SLC22A3: variants seen among roughly 807,000 people sequenced by gnomAD.
The protein encoded by SLC22A3 is EMT organic cation transporter 3.
A neutral mutation model predicts 59.1 loss-of-function variants in SLC22A3; 51 were observed. The observed-to-expected ratio is 0.86, with a 90% CI of 0.69 to 1.09. SLC22A3 has a LOEUF of 1.09. Among genes scored for constraint, SLC22A3 ranks in the 50% least tolerant of loss-of-function variants. The pLI is 0.00. For missense variants in SLC22A3, 711 were observed against 726.3 expected, an observed-to-expected ratio of 0.98 and a Z score of 0.24; for synonymous variants, 325 against 292.0, an observed-to-expected ratio of 1.11 and a Z score of -1.15.
chr6:160,358,903 G>C (rs981643501), intron 1 of SLC22A3, among the ~76,000 whole-genome samples: 3 of 152,200 alleles, frequency 2.0e-5, no homozygotes, highest in African/African-American at 7.2e-5. Context: ...CCCAGGACAG[G>C]ACTAGACCAG....
At chr6:160,388,791 C>G (rs557080475) in intron 1 of SLC22A3, among the ~76,000 whole-genome samples, 1 of 152,234 alleles carries the variant, frequency 6.6e-6, no homozygotes, top group Non-Finnish European at 1.5e-5. Context: ...GCTTAAGAAG[C>G]TAACAGCAAT....
Position 160,451,531 on chromosome 6 carries a change from T to C in SLC22A3, c.*475T>C, listed in dbSNP as rs1235763843. ...CTGAAGATTGCATGGAGGATGAACATCTGGGAATCCTGTTAATGAGAAGGC... is the reference window on the plus strand; with the variant it reads ...CTGAAGATTGCATGGAGGATGAACACCTGGGAATCCTGTTAATGAGAAGGC... On this transcript the variant is annotated 3_prime_UTR_variant, in exon 11 of 11. Coordinates refer to ENST00000275300, the MANE Select transcript of SLC22A3 (RefSeq NM_021977.4). The C allele has an allele frequency of 1.2e-5, 2 of 168,962 alleles. No homozygotes were observed. The highest frequency in any genetic ancestry group is 2.6e-5 in the Non-Finnish European group (2 of 77,392). The allele number at this position is 168,962 out of a possible 1,614,324, so 10.5% of individuals were successfully genotyped here. A position where few individuals can be genotyped will look rare whatever the true frequency, so the allele number is the denominator to read the frequency against.
chr6:160,370,328 A>G lies in SLC22A3; in HGVS notation c.429+21480A>G, dbSNP rs1439367250. On this transcript the variant is annotated intron_variant, in intron 1 of 10. Transcript: ENST00000275300. The stretch of plus-strand genomic sequence containing the variant: ...ACTCATGCCATCTTTGGATAGTCCC[A>G]GTCTCCCTCCTCAAGGACATCAACT... 2.6e-5 allele frequency among the ~76,000 whole-genome samples: 4 copies of G among 152,358 alleles called. No individual in the cohort carries two copies. In the East Asian group the frequency reaches 5.8e-4, roughly 22 times the overall value.
chr6:160,381,829 G>T (rs528102776), intron 1 of SLC22A3, among the ~76,000 whole-genome samples: 1 of 152,274 alleles, frequency 6.6e-6, no homozygotes, highest in African/African-American at 2.4e-5. Context: ...CTACCTCTGA[G>T]ATTCCAGCAT....
chr6:160,368,138 C>G (rs536346231), intron 1 of SLC22A3, among the ~76,000 whole-genome samples: 1 of 152,144 alleles, frequency 6.6e-6, no homozygotes, highest in South Asian at 2.1e-4. Context: ...TCCAACCTGC[C>G]CCTCCCCACT....
chr6:160,413,587 C>T (rs895971085), intron 5 of SLC22A3, among the ~76,000 whole-genome samples: 1 of 152,164 alleles, frequency 6.6e-6, no homozygotes. Flanking sequence ...ACATAGGTAT[C>T]TCTGGAACTA....
intron 1 of SLC22A3, among the ~76,000 whole-genome samples, chr6:160,353,025 TG>T (rs1252213349): frequency 6.6e-6 from 1 of 152,198 alleles, no homozygotes; most frequent in African/African-American, 2.4e-5. Flanking sequence ...TTCAGCATAT[TG>T]GCCAGGCTGA....
intron 1 of SLC22A3, among the ~76,000 whole-genome samples, chr6:160,375,285 G>T (rs1352972485): frequency 1.2e-4 from 19 of 152,282 alleles, no homozygotes; most frequent in Admixed American, 1.2e-3. Flanking sequence ...TTAGCAGTGG[G>T]CAGCTTGCTT....
At chr6:160,402,972 A>G (rs1786847249) in intron 2 of SLC22A3, among the ~76,000 whole-genome samples, 1 of 151,740 alleles carries the variant, frequency 6.6e-6, no homozygotes, top group African/African-American at 2.4e-5. Flanking sequence ...CTAAGCTTTC[A>G]CCTTAGGAAA....
At chr6:160,361,407 C>T (rs945046260) in intron 1 of SLC22A3, among the ~76,000 whole-genome samples, 1 of 152,176 alleles carries the variant, frequency 6.6e-6, no homozygotes, top group Non-Finnish European at 1.5e-5. Flanking sequence ...ATGACAGATA[C>T]CATCAGCAGA....
chr6:160,350,677 A>G (rs868411245), intron 1 of SLC22A3, among the ~76,000 whole-genome samples: 1 of 152,260 alleles, frequency 6.6e-6, no homozygotes, highest in Non-Finnish European at 1.5e-5. Context: ...ATGAGTGAGT[A>G]TGATCCATGG....
chr6:160,422,002 G>A (rs1384765615), intron 5 of SLC22A3, among the ~76,000 whole-genome samples: 1 of 152,216 alleles, frequency 6.6e-6, no homozygotes, highest in Non-Finnish European at 1.5e-5. Context: ...CTCCTTCGTG[G>A]AGACAGTAAT....
At chr6:160,386,940 C>T (rs1786044121) in intron 1 of SLC22A3, among the ~76,000 whole-genome samples, 1 of 152,212 alleles carries the variant, frequency 6.6e-6, no homozygotes, top group South Asian at 2.1e-4. Flanking sequence ...ACCTCACTGT[C>T]ATGCAGCCAC....
intron 2 of SLC22A3, among the ~76,000 whole-genome samples, chr6:160,406,002 C>T (rs571419078): frequency 1.2e-4 from 18 of 152,066 alleles, no homozygotes; most frequent in African/African-American, 3.1e-4. Flanking sequence ...ATGGTGGATA[C>T]GTGTCATTAT....
At chr6:160,366,717 T>C (rs1295513193) in intron 1 of SLC22A3, among the ~76,000 whole-genome samples, 1 of 152,138 alleles carries the variant, frequency 6.6e-6, no homozygotes, top group Non-Finnish European at 1.5e-5. Context: ...TCCTTTGAAA[T>C]CTAGATGGAG....
At chr6:160,409,795 C>T (rs906739154) in intron 4 of SLC22A3, among the ~76,000 whole-genome samples, 3 of 152,084 alleles carry the variant, frequency 2.0e-5, no homozygotes, top group Non-Finnish European at 2.9e-5. Context: ...TAGGGTACTG[C>T]ATTATGTTTT....
chr6:160,400,487 G>A (rs1786727606), intron 2 of SLC22A3, among the ~76,000 whole-genome samples: 1 of 152,078 alleles, frequency 6.6e-6, no homozygotes, highest in African/African-American at 2.4e-5. Context: ...ACCGTTTAGA[G>A]ACATAGGTTC....
chr6:160,395,196 C>G (rs530371489), intron 1 of SLC22A3, among the ~76,000 whole-genome samples: 1 of 152,128 alleles, frequency 6.6e-6, no homozygotes, highest in African/African-American at 2.4e-5. Flanking sequence ...TTTGACTATG[C>G]CTTTTATGGG....
At position 160,407,139 on chromosome 6, in the gene SLC22A3, T is replaced by C. The variant is rs768322258; in HGVS notation, c.632T>C (p.Phe211Ser). The change falls in exon 3 of 11, where the codon TTC (phenylalanine) becomes TCC (serine). Residue 211 changes from phenylalanine to serine, a missense_variant. Transcript: ENST00000275300. Reference sequence around the variant, plus strand: ...CCAAACTTCCCTGTGTTTGTGATCTTCCGCTTCCTGCAAGGTGTATTTGGA... The same window carrying C: ...CCAAACTTCCCTGTGTTTGTGATCTCCCGCTTCCTGCAAGGTGTATTTGGA... ...FAPNFPVFVI[F>S]RFLQGVFGKG... 2.5e-6 allele frequency: 4 copies of C among 1,612,712 alleles called. No homozygotes were observed. The highest frequency in any genetic ancestry group is 3.4e-6 in the Non-Finnish European group (4 of 1,179,250).
Sources: allele counts gnomAD v4.1 joint callset (sites outside exome capture counted in the v4.1 genomes callset), GRCh38; gene constraint gnomAD v4.1.1; transcripts MANE v1.5; gene names NCBI Gene and HGNC (gene_info 2026-07-23, HGNC 2026-07-21).